The following PKP2 variants were observed in gnomAD, a reference collection of about 807,000 sequenced individuals.
PKP2 encodes the protein plakophilin 2.
Under a neutral mutation model 83.4 loss-of-function variants are expected in PKP2, and 73 were observed. The observed-to-expected ratio is 0.88, with a 90% confidence interval of 0.72 to 1.06. The LOEUF (loss-of-function observed/expected upper bound fraction) is 1.06, where lower values mean the gene tolerates loss of function less well. Ranked by LOEUF, PKP2 falls within the 50% of genes least tolerant of loss-of-function variation. PKP2 has a pLI of 0.00. For synonymous variants in PKP2, 409 were observed against 430.4 expected, an observed-to-expected ratio of 0.95 and a Z score of 0.62; for missense variants, 966 against 1,065.4, an observed-to-expected ratio of 0.91 and a Z score of 1.30.
intron 6 of PKP2, among the ~76,000 whole-genome samples, chr12:32,837,109 G>A (rs7301619): frequency 0.1 from 15,850 of 152,222 alleles, 847 homozygotes; most frequent in African/African-American, 0.12. Context: ...ACACTGAAAT[G>A]CTGATACAGT....
rs751965920 is a variant in PKP2 at position 32,821,480 on chromosome 12, A to G, written c.1889T>C (p.Val630Ala). 1.4e-5 allele frequency: 22 copies of G among 1,614,056 alleles called. 1 individual carries two copies. The East Asian group carries it at 4.9e-4, about 36-fold the overall frequency. The change falls in exon 9 of 13, where the codon GTG (valine) becomes GCG (alanine). Residue 630 changes from valine to alanine, a missense_variant. By Grantham distance (64) the Val-to-Ala change is moderately conservative. Coordinates refer to ENST00000340811, the MANE Select transcript of PKP2 (RefSeq NM_001005242.3). ...MPEEKSNPKG[V>A]EWLWHSIVIR... ...AACAATGGAATGCCACAGCCACTCC[A>G]CGCCCTTGGGGTTGCTCTTTTCCTC...
intron 3 of PKP2, among the ~76,000 whole-genome samples, chr12:32,876,298 C>T (rs1956931693): frequency 6.6e-6 from 1 of 151,972 alleles, no homozygotes; most frequent in South Asian, 2.1e-4. Context: ...AGTGGGTTGA[C>T]GAGAGACTGG....
In PKP2 at chr12:32,792,427, G is replaced by A; in HGVS notation, c.2511C>T (p.Asp837=). Residue 837 remains aspartate, a synonymous_variant, in exon 13 of 13, where the codon GAC becomes GAT. Coordinates refer to ENST00000340811, the MANE Select transcript of PKP2 (RefSeq NM_001005242.3). ...RTAKAYHSLK[D] is the part of the protein sequence containing the mutation. ...CGAGAATACTTTGTCATTTTCCTCA[G>A]TCTTTAAGGGAGTGGTAGGCTTTGG... 1 of 1,611,746 alleles carries A rather than the reference G, an allele frequency of 6.2e-7. No homozygotes were observed.
At chr12:32,795,633 G>A (rs1041980508) in intron 11 of PKP2, among the ~76,000 whole-genome samples, 2 of 152,038 alleles carry the variant, frequency 1.3e-5, no homozygotes, top group African/African-American at 2.4e-5. Flanking sequence ...CATCTGCTTG[G>A]GCCTCCCAAA....
At chr12:32,836,751 T>C (rs1190723797) in intron 6 of PKP2, among the ~76,000 whole-genome samples, 3 of 152,240 alleles carry the variant, frequency 2.0e-5, no homozygotes, top group Non-Finnish European at 2.9e-5. Flanking sequence ...TTTAAAAATA[T>C]AGCTAAGATT....
intron 9 of PKP2, among the ~76,000 whole-genome samples, chr12:32,819,728 A>C (rs1027451133): frequency 1.3e-4 from 20 of 152,178 alleles, no homozygotes; most frequent in Non-Finnish European, 2.9e-4. Flanking sequence ...TGGCATAAAT[A>C]TCCCTGTATC....
chr12:32,896,396 G>T, intron 1 of PKP2, 113 bp downstream of exon 1: 1 of 753,964 alleles, frequency 1.3e-6, no homozygotes, highest in Non-Finnish European at 2.0e-6. Flanking sequence ...CGAGCAACAG[G>T]TGGGCAGAAC....
At chr12:32,838,652 T>C (rs1956563407) in intron 6 of PKP2, among the ~76,000 whole-genome samples, 1 of 152,230 alleles carries the variant, frequency 6.6e-6, no homozygotes, top group East Asian at 1.9e-4. Context: ...ACTCATTCAT[T>C]TATTCATTTT....
At chr12:32,802,373 T>A (rs745532286) in intron 10 of PKP2, 30 bp downstream of exon 10, 9 of 1,602,436 alleles carry the variant, frequency 5.6e-6, no homozygotes, top group Non-Finnish European at 6.8e-6. Context: ...AGCATGTACA[T>A]ATTACACATA....
At chr12:32,892,214 C>G (rs1170062392) in intron 1 of PKP2, among the ~76,000 whole-genome samples, 1 of 151,966 alleles carries the variant, frequency 6.6e-6, no homozygotes, top group Non-Finnish European at 1.5e-5. Flanking sequence ...AGAATTTATG[C>G]AGAATTTGAA....
In PKP2 at chr12:32,868,974, T is replaced by A. The variant is rs2137919547; in HGVS notation, c.1123A>T (p.Thr375Ser). 6.2e-7 allele frequency: 1 copy of A among 1,613,942 alleles called. No individual in the cohort carries two copies. The highest frequency in any genetic ancestry group is 8.5e-7 in the Non-Finnish European group (1 of 1,179,972). The change falls in exon 4 of 13, where the codon ACT becomes TCT. Residue 375 changes from threonine to serine, a missense_variant. Physicochemically the swap from Thr to Ser is moderately conservative, Grantham distance 58. Coordinates refer to ENST00000340811, the MANE Select transcript of PKP2 (RefSeq NM_001005242.3). ...TGGAAGCACTCGTGCTGTATGAAAG[T>A]AGCTGCAGCAGAAATCCTGGATGGC... The part of the protein sequence containing the change: ...MLPSRISAAA[T>S]FIQHECFQKS...
intron 3 of PKP2, among the ~76,000 whole-genome samples, chr12:32,871,130 C>A (rs1456863188): frequency 2.0e-5 from 3 of 152,078 alleles, no homozygotes; most frequent in Middle Eastern, 3.4e-3. Context: ...TTTTCCTCCC[C>A]CTCCTTGGAT....
intron 5 of PKP2, 139 bp from the exon 6 acceptor site, chr12:32,841,344 C>A: frequency 1.4e-6 from 1 of 692,528 alleles, no homozygotes; most frequent in Non-Finnish European, 2.6e-6. Context: ...CAGCCTCTTT[C>A]TCAACTAGAA....
At chr12:32,796,694 C>T (rs1364894532) in intron 10 of PKP2, among the ~76,000 whole-genome samples, 7 of 152,104 alleles carry the variant, frequency 4.6e-5, no homozygotes, top group East Asian at 1.9e-4. Context: ...ACACTGCGCC[C>T]GGCCAAGAAC....
chr12:32,896,532 T>C lies in PKP2; in HGVS notation c.200A>G (p.Lys67Arg), dbSNP rs1957126196. ...ACCGTTGCCCACGGAGCTGCGGCCC[T>C]TCCGGGCGAGGGTCTGCTGCACCTG... Reference protein sequence around the residue: ...QEQVQQTLARKGRSSVGNGNL... With the variant: ...QEQVQQTLARRGRSSVGNGNL... Residue 67 changes from lysine to arginine, a missense_variant, in exon 1 of 13, where the codon AAG becomes AGG. Transcript: ENST00000340811. 1 of 1,557,476 alleles carries C rather than the reference T, an allele frequency of 6.4e-7. No homozygotes were observed. The highest frequency in any genetic ancestry group is 8.6e-7 in the Non-Finnish European group (1 of 1,158,506).
intron 5 of PKP2, among the ~76,000 whole-genome samples, chr12:32,847,784 G>A (rs1166647250): frequency 6.6e-6 from 1 of 151,950 alleles, no homozygotes. Context: ...AGTATTTCCT[G>A]ACTATAAAAC....
chr12:32,859,414 G>A (rs372238222), intron 4 of PKP2, among the ~76,000 whole-genome samples: 8 of 151,884 alleles, frequency 5.3e-5, no homozygotes, highest in Non-Finnish European at 8.8e-5. Flanking sequence ...CTATAAAAGC[G>A]TTTATTTTAT....
At chr12:32,863,895 C>T (rs985658239) in intron 4 of PKP2, among the ~76,000 whole-genome samples, 11 of 152,214 alleles carry the variant, frequency 7.2e-5, no homozygotes, top group South Asian at 6.2e-4. Flanking sequence ...TTTACACAGA[C>T]GTAAAATTTC....
intron 3 of PKP2, among the ~76,000 whole-genome samples, chr12:32,872,080 A>G (rs149366337): frequency 2.3e-4 from 35 of 152,226 alleles, no homozygotes; most frequent in African/African-American, 7.0e-4. Flanking sequence ...TCAGGAAGAG[A>G]AGTTGTTCCC....
Sources: gnomAD v4.1 joint callset for allele counts (sites outside exome capture counted in the v4.1 genomes callset) on GRCh38, gnomAD v4.1.1 for gene constraint, MANE v1.5 for transcripts, NCBI Gene and HGNC (gene_info 2026-07-23, HGNC 2026-07-21) for gene names.